Variants in RERE observed in about 807,000 individuals in gnomAD.
RERE encodes arginine-glutamic acid dipeptide repeats protein.
In RERE, 40 loss-of-function variants were observed where a neutral mutation model predicts 146.1. That is an observed-to-expected ratio of 0.27 (90% CI 0.21 to 0.36). The LOEUF is 0.36. Ranked by LOEUF, RERE falls within the 10% of genes least tolerant of loss-of-function variation. The pLI is 1.00. For synonymous variants in RERE, 1,003 were observed against 866.0 expected, an observed-to-expected ratio of 1.16 and a Z score of -2.78; for missense variants, 1,933 against 2,138.7, an observed-to-expected ratio of 0.90 and a Z score of 1.90.
intron 1 of RERE, among the ~76,000 whole-genome samples, chr1:8,698,898 C>G (rs547807818): frequency 6.6e-6 from 1 of 152,228 alleles, no homozygotes; most frequent in East Asian, 1.9e-4. Flanking sequence ...CTGATTAATA[C>G]TCTAAAATTA....
intron 12 of RERE, among the ~76,000 whole-genome samples, chr1:8,420,042 A>T (rs1360874888): frequency 6.6e-6 from 1 of 152,236 alleles, no homozygotes; most frequent in Non-Finnish European, 1.5e-5. Context: ...TAAGGCCAAG[A>T]ATAGAACACA....
intron 1 of RERE, among the ~76,000 whole-genome samples, chr1:8,706,874 A>C (rs1639569992): frequency 6.6e-6 from 1 of 152,242 alleles, no homozygotes; most frequent in Admixed American, 6.5e-5. Context: ...AAGTTATTAC[A>C]ACAAAAACTA....
intron 1 of RERE, among the ~76,000 whole-genome samples, chr1:8,734,360 A>G (rs550488639): frequency 6.6e-6 from 1 of 152,304 alleles, no homozygotes; most frequent in Admixed American, 6.5e-5. Flanking sequence ...CGAGATTTTC[A>G]TCATCTTCCC....
At position 8,361,203 on chromosome 1, in the gene RERE, GGGCGTGGGCCCT is replaced by G. The variant is rs773963867; in HGVS notation, c.2292_2303del (p.Gly765_Pro768del). The G allele has an allele frequency of 1.0e-5, 15 of 1,498,236 alleles. 1 individual carries two copies. The highest frequency in any genetic ancestry group is 1.9e-4 in the Middle Eastern group (1 of 5,286). 92.8% of individuals were successfully genotyped at this position (1,498,236 alleles called of 1,614,324 possible). On this transcript the variant is annotated inframe_deletion, in exon 18 of 23. Coordinates refer to ENST00000400908, the MANE Select transcript of RERE (RefSeq NM_001042681.2). ...CCTGTGGGGGAACTGCAGTGGCAGA[GGGCGTGGGCCCT>G]GGCGTGGGCAGCTGAGGGGTCCCTG...
chr1:8,562,258 A>G (rs1646087427), intron 4 of RERE, among the ~76,000 whole-genome samples: 1 of 152,242 alleles, frequency 6.6e-6, no homozygotes, highest in Non-Finnish European at 1.5e-5. Flanking sequence ...CATTTTTCCA[A>G]CAATTCTAGA....
chr1:8,370,256 G>A (rs962048329), intron 12 of RERE, among the ~76,000 whole-genome samples: 2 of 151,928 alleles, frequency 1.3e-5, no homozygotes, highest in African/African-American at 2.4e-5. Context: ...AAAGCAGGCA[G>A]ACAGGGACGG....
chr1:8,662,668 A>AG (rs1638482264), intron 1 of RERE, among the ~76,000 whole-genome samples: 1 of 152,174 alleles, frequency 6.6e-6, no homozygotes, highest in South Asian at 2.1e-4. Flanking sequence ...ACTGCACTCC[A>AG]GCCTAGGGAA....
chr1:8,558,380 A>C (rs1381484880), intron 4 of RERE, among the ~76,000 whole-genome samples: 1 of 152,182 alleles, frequency 6.6e-6, no homozygotes, highest in African/African-American at 2.4e-5. Context: ...ATAGCTCAAC[A>C]GGGAGTGCAC....
intron 12 of RERE, 88 bp from the exon 13 acceptor site, chr1:8,366,062 G>A (rs1005192152): frequency 3.0e-6 from 4 of 1,312,732 alleles, no homozygotes; most frequent in Non-Finnish European, 4.2e-6. Flanking sequence ...AAAGCTGGGT[G>A]TTTAACAGCT....
chr1:8,474,510 T>C (rs1644728905), intron 10 of RERE, among the ~76,000 whole-genome samples: 1 of 152,232 alleles, frequency 6.6e-6, no homozygotes, highest in Non-Finnish European at 1.5e-5. Context: ...CTCTGCGTAT[T>C]ACCACAAGGT....
chr1:8,441,111 T>A (rs1321828987), intron 11 of RERE, among the ~76,000 whole-genome samples: 1 of 151,976 alleles, frequency 6.6e-6, no homozygotes, highest in Non-Finnish European at 1.5e-5. Flanking sequence ...CAGTGCAATA[T>A]GCAGCCCGGT....
chr1:8,579,108 T>C (rs1349135840), intron 4 of RERE, among the ~76,000 whole-genome samples: 1 of 152,216 alleles, frequency 6.6e-6, no homozygotes, highest in Non-Finnish European at 1.5e-5. Context: ...TGTGTTCCGC[T>C]GTCTGTGTCC....
At chr1:8,474,391 G>A (rs985070365) in intron 10 of RERE, among the ~76,000 whole-genome samples, 1 of 152,166 alleles carries the variant, frequency 6.6e-6, no homozygotes, top group African/African-American at 2.4e-5. Context: ...GAGCAAGGAT[G>A]AGGCCTTAAT....
intron 6 of RERE, among the ~76,000 whole-genome samples, chr1:8,546,868 A>T (rs1645869139): frequency 6.6e-6 from 1 of 151,534 alleles, no homozygotes; most frequent in Admixed American, 6.6e-5. Context: ...AAAAAAAACA[A>T]AAAAAATTAA....
At chr1:8,758,555 C>G (rs1488516474) in intron 1 of RERE, among the ~76,000 whole-genome samples, 1 of 151,910 alleles carries the variant, frequency 6.6e-6, no homozygotes, top group Admixed American at 6.6e-5. Flanking sequence ...CCACACCTAG[C>G]TAACTTTTTA....
Position 8,614,705 on chromosome 1 carries a change from T to C in RERE, c.397-19A>G, listed in dbSNP as rs200034544. 6.2e-7 allele frequency: 1 copy of C among 1,600,220 alleles called. No individual in the cohort carries two copies. The highest frequency in any genetic ancestry group is 8.5e-7 in the Non-Finnish European group (1 of 1,173,386). ...TGTGGACCTAAAAAAGAAAACAGTT[T>C]TAAGTTAACGTGCCCAACGCCCCAT... On this transcript the variant is annotated intron_variant, in intron 3 of 22. Coordinates refer to ENST00000400908, the MANE Select transcript of RERE (RefSeq NM_001042681.2).
At chr1:8,650,326 T>C (rs149187711) in intron 2 of RERE, among the ~76,000 whole-genome samples, 38 of 152,260 alleles carry the variant, frequency 2.5e-4, no homozygotes, top group Non-Finnish European at 4.0e-4. Context: ...ATCCCTGCTA[T>C]GCTCATTCTC....
At chr1:8,601,796 C>T (rs1056792051) in intron 4 of RERE, among the ~76,000 whole-genome samples, 3 of 151,790 alleles carry the variant, frequency 2.0e-5, no homozygotes, top group Non-Finnish European at 4.4e-5. Context: ...CACAGACACA[C>T]ATCTTCTATT....
At chr1:8,765,716 G>A (rs1043877727) in intron 1 of RERE, among the ~76,000 whole-genome samples, 5 of 152,158 alleles carry the variant, frequency 3.3e-5, no homozygotes, top group Non-Finnish European at 5.9e-5. Flanking sequence ...CACTTTGGGA[G>A]ACCGAGGCAG....
Sources: gnomAD v4.1 joint callset for allele counts (sites outside exome capture counted in the v4.1 genomes callset) on GRCh38, gnomAD v4.1.1 for gene constraint, MANE v1.5 for transcripts, NCBI Gene and HGNC (gene_info 2026-07-23, HGNC 2026-07-21) for gene names.